Variants in SYBU observed in about 807,000 individuals in gnomAD.
SYBU encodes GOLSYN A protein.
In SYBU, 21 loss-of-function variants were observed where a neutral mutation model predicts 35.9. The observed-to-expected ratio is 0.58, with a 90% CI of 0.41 to 0.84. The LOEUF (loss-of-function observed/expected upper bound fraction) is 0.84. Ranked by LOEUF, SYBU falls within the 40% of genes least tolerant of loss-of-function variation. SYBU has a pLI of 0.00. For missense variants in SYBU, 768 were observed against 848.2 expected (o/e 0.91, Z 1.17); for synonymous variants, 319 against 324.3 (o/e 0.98, Z 0.18).
Position 109,587,159 on chromosome 8 carries a change from C to A in SYBU, c.428-997G>T, listed in dbSNP as rs180805999. On this transcript the variant is annotated intron_variant, in intron 3 of 6. Coordinates refer to ENST00000276646, the MANE Select transcript of SYBU (RefSeq NM_001099754.2). ...CTCAACTCCTACCACATAATTTGTG[C>A]CTTTTCTGGTCTAGAACCCAGAGCC... is the stretch of plus-strand genomic sequence containing the variant. 1.2e-3 allele frequency among the ~76,000 whole-genome samples: 185 copies of A among 152,168 alleles called. 1 individual carries two copies. The highest frequency in any genetic ancestry group is 6.5e-4 in the Non-Finnish European group (44 of 67,998).
At chr8:109,679,698 C>G in intron 1 of SYBU, among the ~76,000 whole-genome samples, 1 of 152,200 alleles carries the variant, frequency 6.6e-6, no homozygotes, top group East Asian at 1.9e-4. Flanking sequence ...ATGACTCTGA[C>G]AGTAACAATA....
At position 109,691,025 on chromosome 8, in the gene SYBU, A is replaced by T. The variant is rs1402765571; in HGVS notation, c.-58+308T>A. Among the ~76,000 whole-genome samples the T allele has an allele frequency of 6.6e-6, 1 of 152,178 alleles. No homozygotes were observed. The highest frequency in any genetic ancestry group is 2.4e-5 in the African/African-American group (1 of 41,450). On this transcript the variant is annotated intron_variant, in intron 1 of 7. Transcript: ENST00000422135. This position sits in a 1 kb window ranked among gnomAD's most constrained non-coding sequence, Gnocchi z 4.7. ...GGGAGATTCAAAACCGACGGCCTAT[A>T]CATTAGCCTGGCTAATCTTGCTCGT...
chr8:109,594,202 T>C (rs74539229), intron 3 of SYBU, among the ~76,000 whole-genome samples: 17,703 of 151,862 alleles, frequency 0.12, 1,230 homozygotes, highest in South Asian at 0.28. Context: ...GAGGCATTCA[T>C]AGGGGAGGAA....
intron 1 of SYBU, among the ~76,000 whole-genome samples, chr8:109,662,951 T>C (rs1397904047): frequency 6.6e-6 from 1 of 152,144 alleles, no homozygotes; most frequent in Middle Eastern, 3.2e-3. Flanking sequence ...ACAGTAAACA[T>C]ATTGTAGATG....
At position 109,644,787 on chromosome 8, in the gene SYBU, C is replaced by A; in HGVS notation, c.-128G>T. On this transcript the variant is annotated 5_prime_UTR_variant, in exon 1 of 7. Transcript: ENST00000276646. ...CGGGCGGCGGCTCTTGGTGAGGCTC[C>A]AACGCGCCGCCGCCGCCACTGCCGC... 1 of 942,510 alleles carries A rather than the reference C, an allele frequency of 1.1e-6. No homozygotes were observed. The highest frequency in any genetic ancestry group is 1.4e-6 in the Non-Finnish European group (1 of 699,868). 58.4% of individuals were successfully genotyped at this position (942,510 alleles called of 1,614,324 possible).
intron 3 of SYBU, among the ~76,000 whole-genome samples, chr8:109,595,189 G>A (rs1435853493): frequency 6.6e-6 from 1 of 152,166 alleles, no homozygotes; most frequent in Non-Finnish European, 1.5e-5. Context: ...CAGTGACAAG[G>A]AATGAGGCGA....
upstream of SYBU, among the ~76,000 whole-genome samples, chr8:109,683,948 A>G (rs376586777): frequency 2.0e-5 from 3 of 152,102 alleles, no homozygotes; most frequent in East Asian, 1.9e-4. Context: ...CTCTTCCACT[A>G]TGATTATAAG....
At chr8:109,673,718 G>A (rs1277857840) in intron 1 of SYBU, among the ~76,000 whole-genome samples, 2 of 152,150 alleles carry the variant, frequency 1.3e-5, no homozygotes, top group African/African-American at 4.8e-5. Context: ...CAGAAGGTGG[G>A]TAATGAGAAA....
At chr8:109,591,506 A>ATTTTTTTTTTTTTTTTTTTTTTT (rs1047402673) in intron 3 of SYBU, among the ~76,000 whole-genome samples, 1 of 100,942 alleles carries the variant, frequency 9.9e-6, no homozygotes, top group Non-Finnish European at 1.8e-5. Context: ...AAAAATGTAA[A>ATTTTTTTTTTTTTTTTTTTTTTT]TTTTTTTTTT....
intron 1 of SYBU, among the ~76,000 whole-genome samples, chr8:109,652,423 C>T (rs1012918106): frequency 1.4e-4 from 21 of 152,036 alleles, no homozygotes; most frequent in Non-Finnish European, 1.0e-4. Context: ...GATACTTCTG[C>T]CACCGTCCAG....
At chr8:109,618,795 T>C (rs1342227786) in intron 3 of SYBU, 47 bp downstream of exon 3, 7 of 1,549,440 alleles carry the variant, frequency 4.5e-6, no homozygotes, top group Non-Finnish European at 6.2e-6. Flanking sequence ...ATGAAACTAC[T>C]CCCATCACAT....
chr8:109,591,528 T>TTTG (rs1824251903), intron 3 of SYBU, among the ~76,000 whole-genome samples: 1 of 145,468 alleles, frequency 6.9e-6, no homozygotes, highest in Non-Finnish European at 1.5e-5. Context: ...TTTTTTTTTT[T>TTTG]TGAGACGGAG....
At position 109,642,699 on chromosome 8, in the gene SYBU, C is replaced by T. The variant is rs59905170; in HGVS notation, c.229+29G>A. ...GCACCTGCAGTGCACACGCTTCACG[C>T]CTCTGGTGGCCTCCCGAGGGTACTG... On this transcript the variant is annotated intron_variant, in intron 2 of 6. Transcript: ENST00000276646. 2.6e-4 allele frequency: 400 copies of T among 1,528,578 alleles called. 2 individuals carry two copies. Among genetic ancestry groups the T allele is most frequent in the African/African-American group, 2.2e-3 (161 of 72,362 alleles). 94.7% of individuals were successfully genotyped at this position (1,528,578 alleles called of 1,614,324 possible). A position where few individuals can be genotyped will look rare whatever the true frequency, so the allele number is the denominator to read the frequency against.
chr8:109,602,328 T>C (rs1255261661), intron 3 of SYBU, among the ~76,000 whole-genome samples: 1 of 151,926 alleles, frequency 6.6e-6, no homozygotes, highest in African/African-American at 2.4e-5. Flanking sequence ...AAAAGAACAA[T>C]GTCTCTTATA....
intron 3 of SYBU, among the ~76,000 whole-genome samples, chr8:109,604,158 C>T (rs1053853460): frequency 5.9e-5 from 9 of 151,812 alleles, no homozygotes; most frequent in Admixed American, 5.2e-4. Flanking sequence ...AGAAAGGAGC[C>T]ATCTAAAAAA....
intron 1 of SYBU, among the ~76,000 whole-genome samples, chr8:109,657,534 C>T (rs1225400134): frequency 6.6e-6 from 1 of 152,204 alleles, no homozygotes; most frequent in Non-Finnish European, 1.5e-5. Flanking sequence ...AGATATTCAA[C>T]TCCTTTCTTA....
upstream of SYBU, chr8:109,647,304 G>C (rs1218468403): frequency 2.6e-5 from 4 of 152,080 alleles, no homozygotes; most frequent in Admixed American, 2.6e-4. Context: ...TTCAGTTCTC[G>C]GAGGTGGAGG....
chr8:109,583,348 C>T (rs1823252987), intron 4 of SYBU, among the ~76,000 whole-genome samples: 1 of 152,152 alleles, frequency 6.6e-6, no homozygotes, highest in South Asian at 2.1e-4. Flanking sequence ...TGTCTGACTC[C>T]AAATCCCAAG....
intron 4 of SYBU, chr8:109,580,802 ACTC>A: frequency 6.6e-6 from 1 of 151,762 alleles, no homozygotes; most frequent in Admixed American, 6.6e-5. Flanking sequence ...CAATCCCACT[ACTC>A]CATCCAACCC....
Sources: gnomAD v4.1 joint callset for allele counts (sites outside exome capture counted in the v4.1 genomes callset) on GRCh38, gnomAD v4.1.1 for gene constraint, Gnocchi (gnomAD v3.1) non-coding constraint, MANE v1.5 for transcripts, NCBI Gene and HGNC (gene_info 2026-07-23, HGNC 2026-07-21) for gene names.